The following CTXND1 variants were observed in gnomAD, a reference collection of about 807,000 sequenced individuals.
CTXND1 encodes cortexin domain-containing 1 protein.
At chr15:80,229,132 G>C (rs1027873354) in intron 1 of CTXND1, among the ~76,000 whole-genome samples, 3 of 152,082 alleles carry the variant, frequency 2.0e-5, no homozygotes, top group African/African-American at 7.2e-5. Context: ...CCCTGAGCTG[G>C]GTAAGGCTGG....
chr15:80,238,724 C>T (rs570370145), intron 1 of CTXND1, among the ~76,000 whole-genome samples: 5 of 152,320 alleles, frequency 3.3e-5, no homozygotes, highest in African/African-American at 1.2e-4. Context: ...ATCCACCCGC[C>T]TTGGCCTCCC....
In CTXND1 at chr15:80,199,111, T is replaced by C. The variant is rs1865997; in HGVS notation, c.*2659A>G. The C allele has an allele frequency of 0.42, 64,585 of 152,054 alleles. 13,835 individuals are homozygous for C. The highest frequency in any genetic ancestry group is 0.48 in the African/African-American group (20,094 of 41,440). The allele number at this position is 152,054 out of a possible 1,614,324, so 9.4% of individuals were successfully genotyped here. On this transcript the variant is annotated 3_prime_UTR_variant, in exon 3 of 3. Transcript: ENST00000560778. ...CCCTTCCTGAAATGCTACTATTTCC[T>C]GTTGCCATCAAACAAGAGTCAAGAG...
intron 1 of CTXND1, among the ~76,000 whole-genome samples, chr15:80,227,871 G>C (rs1893389521): frequency 6.6e-6 from 1 of 152,180 alleles, no homozygotes; most frequent in African/African-American, 2.4e-5. Flanking sequence ...GGTGAAGTTT[G>C]CTACATCAAT....
intron 1 of CTXND1, among the ~76,000 whole-genome samples, chr15:80,220,352 C>T (rs1034813817): frequency 7.2e-5 from 11 of 152,180 alleles, no homozygotes; most frequent in Non-Finnish European, 1.6e-4. Flanking sequence ...TGTAATGCCA[C>T]TTCTAGTTTC....
At chr15:80,247,944 G>C (rs577324038) in intron 1 of CTXND1, among the ~76,000 whole-genome samples, 22 of 152,164 alleles carry the variant, frequency 1.4e-4, no homozygotes, top group Non-Finnish European at 2.8e-4. Context: ...ATGACAATTT[G>C]TCAAGTCAAT....
rs148093819 is a variant in CTXND1, at chr15:80,204,990, A to C, written c.-217-1250T>G. On this transcript the variant is annotated intron_variant, in intron 1 of 2. Coordinates refer to ENST00000560778, the MANE Select transcript of CTXND1 (RefSeq NM_001352888.2). ...CCCCAGCCATCTAGTTCATCTCCAG[A>C]GAGGAAGCTACTGTTGTCAGGTCTT... is the stretch of plus-strand genomic sequence containing the variant. Among the ~76,000 whole-genome samples the C allele has an allele frequency of 6.6e-5, 10 of 152,340 alleles. No individual in the cohort carries two copies. The East Asian group carries it at 1.9e-3, about 29-fold the overall frequency.
chr15:80,244,789 G>A (rs1893609358), intron 1 of CTXND1, among the ~76,000 whole-genome samples: 1 of 152,160 alleles, frequency 6.6e-6, no homozygotes, highest in Non-Finnish European at 1.5e-5. Flanking sequence ...CCACAGAGAA[G>A]GGCAAGTTCA....
In CTXND1 at chr15:80,196,026, T is replaced by C. The variant is rs2041418453; in HGVS notation, c.*5744A>G. The C allele has an allele frequency of 6.6e-6, 1 of 152,068 alleles. No individual in the cohort carries two copies. The highest frequency in any genetic ancestry group is 2.1e-4 in the South Asian group (1 of 4,820). The allele number at this position is 152,068 out of a possible 1,614,324, so 9.4% of individuals were successfully genotyped here. On this transcript the variant is annotated 3_prime_UTR_variant, in exon 3 of 3. Transcript: ENST00000560778. ...GTTAACCCCAATATCCAAGGGAAAG[T>C]GGGGTTTCTGCTACACAATAGGGGC... is the stretch of plus-strand genomic sequence containing the variant.
chr15:80,204,459 G>A (rs1025777011), intron 1 of CTXND1, among the ~76,000 whole-genome samples: 2 of 150,832 alleles, frequency 1.3e-5, no homozygotes, highest in Middle Eastern at 3.4e-3. Context: ...CCCCCAGCCC[G>A]GGGCGGCCAC....
intron 1 of CTXND1, among the ~76,000 whole-genome samples, chr15:80,216,082 G>A (rs1893249810): frequency 6.6e-6 from 1 of 152,132 alleles, no homozygotes; most frequent in Non-Finnish European, 1.5e-5. Context: ...TGTTGACACG[G>A]AATATTCAAC....
intron 1 of CTXND1, among the ~76,000 whole-genome samples, chr15:80,249,600 A>G (rs1399100023): frequency 6.6e-6 from 1 of 152,240 alleles, no homozygotes; most frequent in Non-Finnish European, 1.5e-5. Flanking sequence ...TACAAATAAG[A>G]ACTGAAGATA....
intron 1 of CTXND1, among the ~76,000 whole-genome samples, chr15:80,216,133 A>T (rs1893250377): frequency 6.6e-6 from 1 of 152,172 alleles, no homozygotes; most frequent in Non-Finnish European, 1.5e-5. Context: ...TCTTTATCTC[A>T]TCTTTCAATT....
intron 1 of CTXND1, among the ~76,000 whole-genome samples, chr15:80,250,678 G>A (rs549547879): frequency 2.6e-5 from 4 of 152,318 alleles, no homozygotes; most frequent in South Asian, 2.1e-4. Flanking sequence ...TCCCAAGGAC[G>A]TAAGGTTTTG....
chr15:80,218,963 G>A (rs1893283580), intron 1 of CTXND1, among the ~76,000 whole-genome samples: 1 of 142,546 alleles, frequency 7.0e-6, no homozygotes, highest in Non-Finnish European at 1.5e-5. Flanking sequence ...ACAGGGTCTT[G>A]TGCTGTCGCC....
chr15:80,220,895 T>G (rs1355187238), intron 1 of CTXND1, among the ~76,000 whole-genome samples: 1 of 142,770 alleles, frequency 7.0e-6, no homozygotes, highest in East Asian at 2.0e-4. Flanking sequence ...ATTAATTAAT[T>G]TATTATTATT....
intron 1 of CTXND1, among the ~76,000 whole-genome samples, chr15:80,249,680 A>C (rs1390514831): frequency 6.6e-6 from 1 of 152,234 alleles, no homozygotes; most frequent in African/African-American, 2.4e-5. Context: ...TTTGTCCCCC[A>C]CAAATGCCAG....
In CTXND1 at chr15:80,200,666, A is replaced by G. The variant is rs1384783542; in HGVS notation, c.*1104T>C. On this transcript the variant is annotated 3_prime_UTR_variant, in exon 3 of 3. Coordinates refer to ENST00000560778, the MANE Select transcript of CTXND1 (RefSeq NM_001352888.2). Reference sequence around the variant, plus strand: ...TTTTAAAAATGACAAGGCTTTTCCTATCTTACAATGAGGAAACTGAGGCGC... The same window carrying G: ...TTTTAAAAATGACAAGGCTTTTCCTGTCTTACAATGAGGAAACTGAGGCGC... The G allele has an allele frequency of 1.3e-5, 2 of 152,242 alleles. No homozygotes were observed. Among genetic ancestry groups the G allele is most frequent in the African/African-American group, 4.8e-5 (2 of 41,434 alleles). The allele number at this position is 152,242 out of a possible 1,614,324, so 9.4% of individuals were successfully genotyped here.
chr15:80,230,448 T>G (rs893278213), intron 1 of CTXND1, among the ~76,000 whole-genome samples: 1 of 152,214 alleles, frequency 6.6e-6, no homozygotes, highest in African/African-American at 2.4e-5. Flanking sequence ...GGTAATATTC[T>G]TTCTCATTTG....
intron 1 of CTXND1, among the ~76,000 whole-genome samples, chr15:80,242,120 T>C (rs1009947482): frequency 6.6e-6 from 1 of 152,140 alleles, no homozygotes; most frequent in African/African-American, 2.4e-5. Flanking sequence ...TTATGTAGGT[T>C]GAGAGAGACA....
Sources: allele counts gnomAD v4.1 joint callset (sites outside exome capture counted in the v4.1 genomes callset), GRCh38; gene constraint gnomAD v4.1.1; transcripts MANE v1.5; gene names NCBI Gene and HGNC (gene_info 2026-07-23, HGNC 2026-07-21).